INTS9: variants seen among roughly 807,000 people sequenced by gnomAD.
INTS9 encodes the protein protein related to CPSF subunits of 74 kDa.
INTS9 carries 55 observed loss-of-function variants against 79.7 expected under a neutral mutation model. The ratio of observed to expected loss-of-function variants is 0.69; its 90% CI spans 0.56 to 0.86. The LOEUF is 0.86. INTS9 is among the 40% of genes least tolerant of loss of function. INTS9 has a pLI of 0.00. For missense variants in INTS9, 721 were observed against 831.5 expected, an observed-to-expected ratio of 0.87 and a Z score of 1.64; for synonymous variants, 319 against 325.2, an observed-to-expected ratio of 0.98 and a Z score of 0.20.
intron 1 of INTS9, among the ~76,000 whole-genome samples, chr8:28,881,472 G>GA (rs1809799316): frequency 1.7e-5 from 2 of 118,582 alleles, no homozygotes; most frequent in African/African-American, 6.1e-5. Context: ...GTCCGGGAGG[G>GA]GGGAGGGGGG....
intron 8 of INTS9, among the ~76,000 whole-genome samples, chr8:28,810,918 C>T (rs1430876510): frequency 6.6e-6 from 1 of 152,148 alleles, no homozygotes; most frequent in East Asian, 1.9e-4. Context: ...TTCCTCCTCA[C>T]AGCCTGCTAA....
chr8:28,819,898 A>G (rs1430070129), intron 6 of INTS9, among the ~76,000 whole-genome samples: 1 of 152,142 alleles, frequency 6.6e-6, no homozygotes, highest in South Asian at 2.1e-4. Flanking sequence ...TCCCTTTACC[A>G]TTATGTAATG....
At chr8:28,832,025 C>A (rs1478875965) in intron 6 of INTS9, among the ~76,000 whole-genome samples, 1 of 152,070 alleles carries the variant, frequency 6.6e-6, no homozygotes, top group African/African-American at 2.4e-5. Flanking sequence ...GACTTTAGAA[C>A]ACTATTTGTG....
chr8:28,847,441 TACCACCACTACCTCCACCACCACC>T (rs1176306730), intron 3 of INTS9, among the ~76,000 whole-genome samples: 1 of 149,822 alleles, frequency 6.7e-6, no homozygotes, highest in African/African-American at 2.5e-5. Context: ...CTACCACGAC[TACCACCACTACCTCCACCACCACC>T]ACCACCACTA....
chr8:28,796,418 C>T (rs1258516549), intron 9 of INTS9, 126 bp downstream of exon 9: 8 of 596,182 alleles, frequency 1.3e-5, no homozygotes, highest in Non-Finnish European at 2.4e-5. Flanking sequence ...GATATACTGC[C>T]TCCCTCCTTT....
intron 1 of INTS9, among the ~76,000 whole-genome samples, chr8:28,872,060 C>G (rs77441051): frequency 0.011 from 1,730 of 152,250 alleles, 37 homozygotes; most frequent in African/African-American, 0.04. Context: ...AATGCCCAGT[C>G]CATACATTGG....
intron 2 of INTS9, among the ~76,000 whole-genome samples, chr8:28,852,951 T>A (rs1807928276): frequency 6.6e-6 from 1 of 152,202 alleles, no homozygotes; most frequent in African/African-American, 2.4e-5. Context: ...ACATGCTGAC[T>A]ATAGAGATGA....
At chr8:28,835,724 G>A (rs1806772458) in intron 5 of INTS9, among the ~76,000 whole-genome samples, 1 of 152,040 alleles carries the variant, frequency 6.6e-6, no homozygotes, top group African/African-American at 2.4e-5. Flanking sequence ...TATATAGGGA[G>A]AAGTTAAATG....
At chr8:28,838,388 C>T (rs1417708231) in intron 4 of INTS9, among the ~76,000 whole-genome samples, 1 of 151,960 alleles carries the variant, frequency 6.6e-6, no homozygotes, top group African/African-American at 2.4e-5. Flanking sequence ...CTTTTAAGTC[C>T]ATCATTAAGG....
intron 2 of INTS9, among the ~76,000 whole-genome samples, chr8:28,851,736 C>T (rs895739916): frequency 2.0e-5 from 3 of 151,306 alleles, no homozygotes; most frequent in South Asian, 4.2e-4. Context: ...TGCACCCAGC[C>T]GGGGGTGGGG....
At chr8:28,795,739 C>A (rs920268884) in intron 9 of INTS9, among the ~76,000 whole-genome samples, 1 of 150,544 alleles carries the variant, frequency 6.6e-6, no homozygotes, top group African/African-American at 2.4e-5. Context: ...TCATCTGCAT[C>A]AAGAAACGAC....
At chr8:28,853,778 T>G (rs547559236) in intron 2 of INTS9, among the ~76,000 whole-genome samples, 12 of 152,216 alleles carry the variant, frequency 7.9e-5, no homozygotes, top group East Asian at 3.9e-4. Flanking sequence ...TTCTTTTTTT[T>G]TTTGTTTTGT....
At chr8:28,777,995 A>G in intron 12 of INTS9, 42 bp from the exon 13 acceptor site, 1 of 1,547,058 alleles carries the variant, frequency 6.5e-7, no homozygotes, top group Non-Finnish European at 8.7e-7. Flanking sequence ...TGCAGACTAC[A>G]CAGGAGCTGC....
intron 5 of INTS9, among the ~76,000 whole-genome samples, chr8:28,835,746 T>A (rs1266393166): frequency 6.6e-6 from 1 of 152,142 alleles, no homozygotes; most frequent in African/African-American, 2.4e-5. Context: ...CTGTCAGGTA[T>A]CTAATTTTGG....
At chr8:28,780,766 A>G in intron 12 of INTS9, 57 bp downstream of exon 12, 1 of 1,589,234 alleles carries the variant, frequency 6.3e-7, no homozygotes, top group Non-Finnish European at 8.6e-7. Flanking sequence ...TTGTAGGTGC[A>G]TTCACTCATG....
At chr8:28,774,621 A>G (rs1328793376) in intron 14 of INTS9, among the ~76,000 whole-genome samples, 1 of 152,238 alleles carries the variant, frequency 6.6e-6, no homozygotes, top group East Asian at 1.9e-4. Flanking sequence ...CTCCAGGCTC[A>G]TGGAAATGAG....
Position 28,793,799 on chromosome 8 carries a change from G to A in INTS9, c.1037+8C>T, listed in dbSNP as rs760619710. The A allele has an allele frequency of 3.4e-5, 52 of 1,549,092 alleles. No individual in the cohort carries two copies. Among genetic ancestry groups the A allele is most frequent in the Admixed American group, 3.3e-4 (16 of 48,466 alleles). The stretch of plus-strand genomic sequence containing the variant: ...ATTCACAAAAAAAAAAAAAAACCAC[G>A]GACATACCACTCAGCAAAGATCTGG... On this transcript the variant is annotated splice_region_variant and intron_variant, in intron 10 of 16. Transcript: ENST00000521022.
At chr8:28,884,152 T>C (rs1407455880) in intron 1 of INTS9, among the ~76,000 whole-genome samples, 1 of 139,136 alleles carries the variant, frequency 7.2e-6, no homozygotes, top group South Asian at 2.4e-4. Flanking sequence ...CTACCAAAAG[T>C]CTGTCATCAG....
chr8:28,821,457 A>T (rs1312136963), intron 6 of INTS9, among the ~76,000 whole-genome samples: 1 of 152,150 alleles, frequency 6.6e-6, no homozygotes, highest in African/African-American at 2.4e-5. Flanking sequence ...GGTCCCTCCC[A>T]CAACATGTGG....
Sources: gnomAD v4.1 joint callset for allele counts (sites outside exome capture counted in the v4.1 genomes callset) on GRCh38, gnomAD v4.1.1 for gene constraint, MANE v1.5 for transcripts, NCBI Gene and HGNC (gene_info 2026-07-23, HGNC 2026-07-21) for gene names.